The following ZNF407 variants were observed in gnomAD, a reference collection of about 807,000 sequenced individuals.
ZNF407 encodes zinc finger protein 407.
ZNF407 carries 17 observed loss-of-function variants against 131.2 expected under a neutral mutation model. That is an observed-to-expected ratio of 0.13 (90% CI 0.09 to 0.19). ZNF407 has a LOEUF of 0.19. Ranked by LOEUF, ZNF407 falls within the 10% of genes least tolerant of loss-of-function variation. The pLI, the probability that ZNF407 is intolerant of heterozygous loss-of-function variation, is 1.00. For synonymous variants in ZNF407, 1,156 were observed against 1,062.0 expected (o/e 1.09, Z -1.72); for missense variants, 2,681 against 2,830.6 (o/e 0.95, Z 1.20).
At chr18:75,025,538 A>T (rs1292179511) in intron 8 of ZNF407, among the ~76,000 whole-genome samples, 1 of 152,114 alleles carries the variant, frequency 6.6e-6, no homozygotes, top group African/African-American at 2.4e-5. Context: ...CAATGTGTAC[A>T]ACATTTCACT....
chr18:74,747,980 G>C (rs1196829850), intron 3 of ZNF407, among the ~76,000 whole-genome samples: 2 of 152,092 alleles, frequency 1.3e-5, no homozygotes, highest in African/African-American at 4.8e-5. Flanking sequence ...ATCAACTACA[G>C]TTCTACATAG....
At chr18:74,941,058 C>G (rs931015521) in intron 8 of ZNF407, among the ~76,000 whole-genome samples, 1 of 148,382 alleles carries the variant, frequency 6.7e-6, no homozygotes, top group East Asian at 2.0e-4. Context: ...TAAGTGAATC[C>G]CAGTGGCGGA....
intron 1 of ZNF407, among the ~76,000 whole-genome samples, chr18:74,617,373 A>G (rs1332994013): frequency 1.3e-5 from 2 of 152,360 alleles, no homozygotes; most frequent in South Asian, 2.1e-4. Context: ...AATGTCCTCA[A>G]TAGCATTTTC....
intron 8 of ZNF407, among the ~76,000 whole-genome samples, chr18:74,987,012 T>C (rs1276756846): frequency 6.6e-6 from 1 of 152,208 alleles, no homozygotes; most frequent in Non-Finnish European, 1.5e-5. Context: ...TGTAAAGGTA[T>C]TTTTGAGCTT....
At chr18:74,910,330 A>G (rs1971652242) in intron 7 of ZNF407, among the ~76,000 whole-genome samples, 1 of 152,184 alleles carries the variant, frequency 6.6e-6, no homozygotes, top group African/African-American at 2.4e-5. Context: ...TATTCAAATC[A>G]ACAAAACATA....
At chr18:74,673,376 C>T (rs1179883404) in intron 3 of ZNF407, among the ~76,000 whole-genome samples, 2 of 152,212 alleles carry the variant, frequency 1.3e-5, no homozygotes, top group Non-Finnish European at 2.9e-5. Context: ...CCAGCTTGTC[C>T]AGGCGTTTGT....
At chr18:74,918,425 G>C (rs1234683887) in intron 7 of ZNF407, among the ~76,000 whole-genome samples, 1 of 152,194 alleles carries the variant, frequency 6.6e-6, no homozygotes, top group African/African-American at 2.4e-5. Flanking sequence ...GGTCATGCTT[G>C]CCTTCGAAGT....
At chr18:74,691,479 T>G (rs1335576242) in intron 3 of ZNF407, among the ~76,000 whole-genome samples, 2 of 151,856 alleles carry the variant, frequency 1.3e-5, no homozygotes, top group African/African-American at 4.8e-5. Flanking sequence ...TTTACAAATT[T>G]TATTGATCTT....
chr18:74,701,479 A>G (rs995877342), intron 3 of ZNF407, among the ~76,000 whole-genome samples: 7 of 152,174 alleles, frequency 4.6e-5, no homozygotes, highest in African/African-American at 1.2e-4. Flanking sequence ...CATGCTATGT[A>G]TGTATACCAT....
At chr18:74,603,942 T>C (rs1018875122) in intron 1 of ZNF407, among the ~76,000 whole-genome samples, 7 of 152,232 alleles carry the variant, frequency 4.6e-5, no homozygotes, top group Non-Finnish European at 8.8e-5. Context: ...TGATGGGTTG[T>C]AAAGCTATTT....
chr18:74,658,755 A>C lies in ZNF407; in HGVS notation c.4802+17633A>C, dbSNP rs1035868578. ...ATTAAAATATATTTAGGAGTGTCTG[A>C]CTTGGGTTGATGTTACGTGATTTTT... On this transcript the variant is annotated intron_variant, in intron 3 of 8. Transcript: ENST00000299687. Among the ~76,000 whole-genome samples, 3 of 152,216 alleles carry C rather than the reference A, an allele frequency of 2.0e-5. No individual in the cohort carries two copies. The South Asian group carries it at 6.2e-4, about 32-fold the overall frequency.
chr18:74,888,169 T>A (rs1971336515), intron 6 of ZNF407, among the ~76,000 whole-genome samples: 1 of 152,160 alleles, frequency 6.6e-6, no homozygotes, highest in African/African-American at 2.4e-5. Context: ...ATTGAACATA[T>A]GTAAAATTAA....
chr18:74,755,441 G>A (rs950060524), intron 3 of ZNF407, among the ~76,000 whole-genome samples: 2 of 152,056 alleles, frequency 1.3e-5, no homozygotes, highest in Admixed American at 6.5e-5. Context: ...TCCTAGCATC[G>A]ATTGTCTTGG....
At chr18:74,913,663 G>A (rs1232136232) in intron 7 of ZNF407, among the ~76,000 whole-genome samples, 2 of 152,194 alleles carry the variant, frequency 1.3e-5, no homozygotes, top group Non-Finnish European at 2.9e-5. Context: ...CAGTGCTGGA[G>A]GGAGACTTCT....
At chr18:74,951,907 T>G (rs879531538) in intron 8 of ZNF407, among the ~76,000 whole-genome samples, 1 of 149,942 alleles carries the variant, frequency 6.7e-6, no homozygotes, top group Non-Finnish European at 1.5e-5. Context: ...AAAAAAACAG[T>G]AATTCTAGGA....
chr18:74,912,526 C>A (rs767142744), intron 7 of ZNF407, among the ~76,000 whole-genome samples: 2 of 152,154 alleles, frequency 1.3e-5, no homozygotes, highest in African/African-American at 2.4e-5. Context: ...AAGGTGGCAT[C>A]TCAAGTCAGT....
chr18:75,064,100 G>A lies in ZNF407; in HGVS notation c.6379G>A (p.Glu2127Lys), dbSNP rs1426896345. 1.3e-6 allele frequency: 2 copies of A among 1,592,580 alleles called. No individual in the cohort carries two copies. Among genetic ancestry groups the A allele is most frequent in the Non-Finnish European group, 1.7e-6 (2 of 1,170,244 alleles). Residue 2127 changes from glutamate (E) to lysine (K), a missense_variant, in exon 9 of 9, where the codon GAG becomes AAG. Transcript: ENST00000299687. ...AGEGAQIIMQ[E>K]AQGEHMDLVE... ...GGAGGGTGCCCAGATCATCATGCAG[G>A]AGGCGCAGGGCGAGCACATGGATCT...
At chr18:74,694,752 G>A (rs150736773) in intron 3 of ZNF407, among the ~76,000 whole-genome samples, 42 of 152,214 alleles carry the variant, frequency 2.8e-4, no homozygotes, top group African/African-American at 9.6e-4. Flanking sequence ...GAAAATAGTT[G>A]TTTGCTGTAT....
chr18:74,932,263 AT>A (rs199725795), intron 8 of ZNF407, among the ~76,000 whole-genome samples: 1,675 of 152,194 alleles, frequency 0.011, 29 homozygotes, highest in African/African-American at 0.037. Flanking sequence ...TAGATGTCTC[AT>A]TTTTTTCAGC....
Sources: gnomAD v4.1 joint callset for allele counts (sites outside exome capture counted in the v4.1 genomes callset) on GRCh38, gnomAD v4.1.1 for gene constraint, MANE v1.5 for transcripts, NCBI Gene and HGNC (gene_info 2026-07-23, HGNC 2026-07-21) for gene names.